Variants in FOXO3 observed in about 807,000 individuals in gnomAD.
FOXO3 encodes the protein forkhead box O3, also known as forkhead box protein O3.
Under a neutral mutation model 41.9 loss-of-function variants are expected in FOXO3, and 4 were observed. The observed-to-expected ratio is 0.10, with a 90% CI of 0.05 to 0.22. The LOEUF is 0.22. Among genes scored for constraint, FOXO3 ranks in the 10% least tolerant of loss-of-function variants. The pLI, the probability that FOXO3 is intolerant of heterozygous loss-of-function variation, is 1.00. For synonymous variants in FOXO3, 318 were observed against 389.3 expected (o/e 0.82, Z 2.16); for missense variants, 534 against 906.8 (o/e 0.59, Z 5.28).
Position 108,680,829 on chromosome 6 carries a change from G to C in FOXO3, c.*1037G>C. Reference sequence around the variant, plus strand: ...TACAGGTGAGCATTAAGCTTGCAGTGAGAAATGTGCGAAGAGTAAAAACCC... The same window carrying C: ...TACAGGTGAGCATTAAGCTTGCAGTCAGAAATGTGCGAAGAGTAAAAACCC... On this transcript the variant is annotated 3_prime_UTR_variant, in exon 3 of 3. Coordinates refer to ENST00000406360, the MANE Select transcript of FOXO3 (RefSeq NM_001455.4). The C allele has an allele frequency of 6.6e-6, 1 of 151,750 alleles. No homozygotes were observed. The highest frequency in any genetic ancestry group is 1.5e-5 in the Non-Finnish European group (1 of 68,002). 9.4% of individuals were successfully genotyped at this position (151,750 alleles called of 1,614,324 possible).
chr6:108,668,634 A>G (rs1030633296), intron 2 of FOXO3, among the ~76,000 whole-genome samples: 2 of 152,298 alleles, frequency 1.3e-5, no homozygotes, highest in East Asian at 3.9e-4. Context: ...AGACACCATT[A>G]GGGAGCAGCC....
intron 1 of FOXO3, among the ~76,000 whole-genome samples, chr6:108,625,157 C>G (rs1236018524): frequency 1.3e-5 from 2 of 152,134 alleles, no homozygotes; most frequent in Non-Finnish European, 2.9e-5. Context: ...TTAAATTTAT[C>G]TGACGTTTGT....
intron 1 of FOXO3, among the ~76,000 whole-genome samples, chr6:108,626,437 A>G (rs928729636): frequency 2.6e-5 from 4 of 152,116 alleles, no homozygotes; most frequent in Non-Finnish European, 5.9e-5. Flanking sequence ...TTTAATCTTT[A>G]TTCTTAGGCT....
At chr6:108,636,493 G>T (rs112481725) in intron 1 of FOXO3, among the ~76,000 whole-genome samples, 5 of 152,122 alleles carry the variant, frequency 3.3e-5, no homozygotes, top group East Asian at 1.9e-4. Flanking sequence ...GGGCTGGGGT[G>T]GGGGGTGCAT....
At chr6:108,667,124 A>ACC (rs750987032) in intron 2 of FOXO3, among the ~76,000 whole-genome samples, 1 of 152,022 alleles carries the variant, frequency 6.6e-6, no homozygotes, top group Non-Finnish European at 1.5e-5. Context: ...GGCCTAAGAG[A>ACC]CCCCTAATGG....
At chr6:108,562,336 T>G (rs578188140) in intron 1 of FOXO3, among the ~76,000 whole-genome samples, 66 of 152,090 alleles carry the variant, frequency 4.3e-4, no homozygotes, top group Non-Finnish European at 8.2e-4. Flanking sequence ...GGTCCAAGTT[T>G]CAGCTTGTGG....
chr6:108,628,137 T>A (rs946326436), intron 1 of FOXO3, among the ~76,000 whole-genome samples: 2 of 152,218 alleles, frequency 1.3e-5, no homozygotes, highest in African/African-American at 4.8e-5. Flanking sequence ...AAGTGCTCAA[T>A]AACCAGTAGT....
chr6:108,646,842 C>G (rs968064524), intron 1 of FOXO3, among the ~76,000 whole-genome samples: 1 of 152,144 alleles, frequency 6.6e-6, no homozygotes, highest in African/African-American at 2.4e-5. Flanking sequence ...TTTATGCTTT[C>G]GAGAAAATGT....
rs1445093329 is a variant in FOXO3, at chr6:108,681,117, G to T, written c.*1325G>T. On this transcript the variant is annotated 3_prime_UTR_variant, in exon 3 of 3. Coordinates refer to ENST00000406360, the MANE Select transcript of FOXO3 (RefSeq NM_001455.4). ...TTCAAAAAGTTATGGTGCTGTATAG[G>T]TGCTTTCTGTTTAACCTGGAAAGTG... is the stretch of plus-strand genomic sequence containing the variant. 2.0e-5 allele frequency: 3 copies of T among 152,576 alleles called. No individual in the cohort carries two copies. The highest frequency in any genetic ancestry group is 2.9e-5 in the Non-Finnish European group (2 of 68,030). The allele number at this position is 152,576 out of a possible 1,614,324, so 9.5% of individuals were successfully genotyped here.
At position 108,680,965 on chromosome 6, in the gene FOXO3, A is replaced by G. The variant is rs552455504; in HGVS notation, c.*1173A>G. On this transcript the variant is annotated 3_prime_UTR_variant, in exon 3 of 3. Coordinates refer to ENST00000406360, the MANE Select transcript of FOXO3 (RefSeq NM_001455.4). Reference sequence around the variant, plus strand: ...TGCTAGAAGTGTATGAGTGAGAGGCAATAGCATACAAACTGATTTTTTAAA... The same window carrying G: ...TGCTAGAAGTGTATGAGTGAGAGGCGATAGCATACAAACTGATTTTTTAAA... 1 of 152,790 alleles carries G rather than the reference A, an allele frequency of 6.5e-6. No homozygotes were observed. The highest frequency in any genetic ancestry group is 2.1e-4 in the South Asian group (1 of 4,830). 9.5% of individuals were successfully genotyped at this position (152,790 alleles called of 1,614,324 possible).
chr6:108,670,115 A>G (rs1239554250), intron 2 of FOXO3, among the ~76,000 whole-genome samples: 2 of 152,098 alleles, frequency 1.3e-5, no homozygotes, highest in African/African-American at 4.8e-5. Flanking sequence ...CCGCTTTGCC[A>G]TTGCTGGAGA....
At chr6:108,615,326 A>G (rs1484729652) in intron 1 of FOXO3, among the ~76,000 whole-genome samples, 1 of 152,088 alleles carries the variant, frequency 6.6e-6, no homozygotes, top group Non-Finnish European at 1.5e-5. Context: ...TTTGCCTGAA[A>G]GAGTCTTTAT....
chr6:108,614,679 CT>C (rs1777444762), intron 1 of FOXO3, among the ~76,000 whole-genome samples: 1 of 148,444 alleles, frequency 6.7e-6, no homozygotes, highest in Non-Finnish European at 1.5e-5. Context: ...CAATCTCTGG[CT>C]TTTATTTGGA....
At chr6:108,678,493 C>CTTT (rs11417953) in intron 2 of FOXO3, among the ~76,000 whole-genome samples, 8 of 143,650 alleles carry the variant, frequency 5.6e-5, no homozygotes, top group South Asian at 4.4e-4. Flanking sequence ...TATGAATATA[C>CTTT]TTTTTTTTTT....
chr6:108,631,253 CAT>C (rs1777964894), intron 1 of FOXO3, among the ~76,000 whole-genome samples: 1 of 152,156 alleles, frequency 6.6e-6, no homozygotes, highest in African/African-American at 2.4e-5. Context: ...ACTGTCTCTG[CAT>C]GTTGGAATTT....
At chr6:108,594,268 GGTTAATA>G (rs1776812948) in intron 1 of FOXO3, among the ~76,000 whole-genome samples, 1 of 152,148 alleles carries the variant, frequency 6.6e-6, no homozygotes, top group South Asian at 2.1e-4. Context: ...GATGAAAACG[GGTTAATA>G]ACTTTAGAGA....
chr6:108,663,630 G>T lies in FOXO3; in HGVS notation c.797G>T (p.Arg266Leu). The T allele has an allele frequency of 2.5e-6, 4 of 1,613,404 alleles. No individual in the cohort carries two copies. The highest frequency in any genetic ancestry group is 3.4e-6 in the Non-Finnish European group (4 of 1,179,588). ...NSNKYTKSRGRAAKKKAALQT... is the reference protein window; with the variant it reads ...NSNKYTKSRGLAAKKKAALQT... Reference sequence around the variant, plus strand: ...AACAAGTATACCAAGAGCCGTGGCCGCGCAGCCAAGAAGAAGGCAGCCCTG... The same window carrying T: ...AACAAGTATACCAAGAGCCGTGGCCTCGCAGCCAAGAAGAAGGCAGCCCTG... The change falls in exon 2 of 3, where the codon CGC becomes CTC. Residue 266 changes from arginine to leucine, a missense_variant. Coordinates refer to ENST00000406360, the MANE Select transcript of FOXO3 (RefSeq NM_001455.4).
At chr6:108,583,093 T>TA (rs891812500) in intron 1 of FOXO3, among the ~76,000 whole-genome samples, 3 of 152,220 alleles carry the variant, frequency 2.0e-5, no homozygotes, top group African/African-American at 7.2e-5. Context: ...AGGTCACTCT[T>TA]ACCTGTGAAC....
At chr6:108,621,176 G>A (rs1285725860) in intron 1 of FOXO3, among the ~76,000 whole-genome samples, 2 of 152,280 alleles carry the variant, frequency 1.3e-5, no homozygotes, top group South Asian at 2.1e-4. Flanking sequence ...CCAAACGAGT[G>A]TAATCACCAT....
Sources: gnomAD v4.1 joint callset for allele counts (sites outside exome capture counted in the v4.1 genomes callset) on GRCh38, gnomAD v4.1.1 for gene constraint, MANE v1.5 for transcripts, NCBI Gene and HGNC (gene_info 2026-07-23, HGNC 2026-07-21) for gene names.